SERPINB1: variants seen among roughly 807,000 people sequenced by gnomAD.
SERPINB1 encodes leukocyte elastase inhibitor.
In SERPINB1, 23 loss-of-function variants were observed where a neutral mutation model predicts 25.9. That is an observed-to-expected ratio of 0.89 (90% CI 0.64 to 1.26). SERPINB1 has a LOEUF of 1.26. Among genes scored for constraint, SERPINB1 ranks in the 50% most tolerant of loss-of-function variants. The pLI is 0.00. For synonymous variants in SERPINB1, 178 were observed against 178.7 expected, an observed-to-expected ratio of 1.00 and a Z score of 0.03; for missense variants, 399 against 463.6, an observed-to-expected ratio of 0.86 and a Z score of 1.28.
rs765014220 is a variant in SERPINB1 at position 2,833,736 on chromosome 6, C to A, written c.1012G>T (p.Ala338Ser). The change falls in exon 7 of 7, where the codon GCA becomes TCA. Residue 338 changes from alanine (A) to serine (S), a missense_variant. Physicochemically the swap from Ala to Ser is moderately conservative, Grantham distance 99. Transcript: ENST00000380739. ...AACATGCAGAAAGTTGCGATGCCTG[C>A]TGTGGCAGCTGCCGCCTCTGTTCCC... ...EEGTEAAAAT[A>S]GIATFCMLMP... 2 of 1,613,742 alleles carry A rather than the reference C, an allele frequency of 1.2e-6. No homozygotes were observed. The highest frequency in any genetic ancestry group is 1.7e-6 in the Non-Finnish European group (2 of 1,179,930).
At position 2,840,485 on chromosome 6, in the gene SERPINB1, G is replaced by A. The variant is rs775715437; in HGVS notation, c.102C>T (p.Ser34=). The stretch of plus-strand genomic sequence containing the variant: ...AAACCATGGCCATAGCAGATGAAAT[G>A]CTGAAGGGAGAGATGAAGATGTTTC... ...PAGNIFISPF[S]ISSAMAMVFL... is the part of the protein sequence containing the mutation. The change falls in exon 2 of 7, where the codon AGC becomes AGT. Residue 34 remains serine, a synonymous_variant. Transcript: ENST00000380739. 6.2e-7 allele frequency: 1 copy of A among 1,614,174 alleles called. No individual in the cohort carries two copies. Among genetic ancestry groups the A allele is most frequent in the East Asian group, 2.2e-5 (1 of 44,884 alleles).
intron 4 of SERPINB1, among the ~76,000 whole-genome samples, chr6:2,836,667 T>A (rs1400029673): frequency 6.1e-5 from 3 of 49,550 alleles, no homozygotes; most frequent in Non-Finnish European, 2.0e-4. Flanking sequence ...ATGCCTACTC[T>A]CACAAAAAAA....
At chr6:2,840,081 G>A (rs893349281) in intron 2 of SERPINB1, among the ~76,000 whole-genome samples, 10 of 152,084 alleles carry the variant, frequency 6.6e-5, no homozygotes, top group African/African-American at 1.9e-4. Context: ...AAAACTGGAA[G>A]ATGCTAGCTC....
intron 2 of SERPINB1, 46 bp from the exon 3 acceptor site, chr6:2,838,732 T>C (rs370357726): frequency 7.1e-7 from 1 of 1,411,940 alleles, no homozygotes; most frequent in East Asian, 2.5e-5. Flanking sequence ...ATTTTGAAAC[T>C]ATAAAGTGAT....
In SERPINB1 at chr6:2,838,026, T is replaced by G. The variant is rs747135455; in HGVS notation, c.307-27A>C. 2.8e-6 allele frequency: 4 copies of G among 1,438,164 alleles called. No homozygotes were observed. In the African/African-American group the frequency reaches 4.2e-5, roughly 15 times the overall value. The allele number at this position is 1,438,164 out of a possible 1,614,324, so 89.1% of individuals were successfully genotyped here. ...TATTAAAAAAAAGGAAAAGGAAATA[T>G]ATATATAACTCCTACTACATATAGA... is the stretch of plus-strand genomic sequence containing the variant. On this transcript the variant is annotated intron_variant, in intron 3 of 6. Coordinates refer to ENST00000380739, the MANE Select transcript of SERPINB1 (RefSeq NM_030666.4).
rs1026786370 is a variant in SERPINB1, at chr6:2,837,473, G to T, written c.424+409C>A. On this transcript the variant is annotated intron_variant, in intron 4 of 6. Transcript: ENST00000380739. The surrounding 1 kb of genome is among the most constrained non-coding windows in gnomAD (Gnocchi z 4.3). ...TTTTTGTATTTTTAGTAGAGACAGG[G>T]TTTCATCATGTTGGCCAAGCTGGTC... Among the ~76,000 whole-genome samples, 8 of 151,930 alleles carry T rather than the reference G, an allele frequency of 5.3e-5. No individual in the cohort carries two copies. Among genetic ancestry groups the T allele is most frequent in the Non-Finnish European group, 1.0e-4 (7 of 67,980 alleles).
At position 2,840,438 on chromosome 6, in the gene SERPINB1, G is replaced by C; in HGVS notation, c.149C>G (p.Thr50Arg). Residue 50 changes from threonine (T) to arginine (R), a missense_variant, in exon 2 of 7, where the codon ACG (threonine) becomes AGG (arginine). Physicochemically the swap from Thr to Arg is moderately conservative, Grantham distance 71. Transcript: ENST00000380739. Reference sequence around the variant, plus strand: ...GCTGACCTTGGACAGCTGTGCTGCCGTGTTACCTCTGGTCCCCAGAAAAAC... The same window carrying C: ...GCTGACCTTGGACAGCTGTGCTGCCCTGTTACCTCTGGTCCCCAGAAAAAC... ...AMVFLGTRGN[T>R]AAQLSKTFHF... 1.2e-6 allele frequency: 2 copies of C among 1,613,982 alleles called. No homozygotes were observed. Among genetic ancestry groups the C allele is most frequent in the Non-Finnish European group, 1.7e-6 (2 of 1,179,986 alleles).
rs1041181705 is a variant in SERPINB1, at chr6:2,832,442, T to C, written c.*1166A>G. The C allele has an allele frequency of 5.9e-5, 9 of 152,070 alleles. No individual in the cohort carries two copies. The highest frequency in any genetic ancestry group is 1.2e-4 in the Non-Finnish European group (8 of 68,056). The allele number at this position is 152,070 out of a possible 1,614,324, so 9.4% of individuals were successfully genotyped here. A position where few individuals can be genotyped will look rare whatever the true frequency, so the allele number is the denominator to read the frequency against. On this transcript the variant is annotated 3_prime_UTR_variant, in exon 7 of 7. Transcript: ENST00000380739. Reference sequence around the variant, plus strand: ...ATTCAAAGAACTACATTTGACAAAGTTTTATATCAGTCCAAGAGCCCCCAC... The same window carrying C: ...ATTCAAAGAACTACATTTGACAAAGCTTTATATCAGTCCAAGAGCCCCCAC...
chr6:2,836,042 T>A lies in SERPINB1; in HGVS notation c.568-19A>T, dbSNP rs1285955314. ...TGTCTTTCTGAACAGTTTTAAAAAATCACTGAAATTATTCTCTGCATTCTT... is the reference window on the plus strand; with the variant it reads ...TGTCTTTCTGAACAGTTTTAAAAAAACACTGAAATTATTCTCTGCATTCTT... On this transcript the variant is annotated intron_variant, in intron 5 of 6. Transcript: ENST00000380739. The A allele has an allele frequency of 3.1e-6, 5 of 1,613,900 alleles. No individual in the cohort carries two copies. The South Asian group carries it at 5.5e-5, about 18-fold the overall frequency.
At chr6:2,839,822 C>T (rs543895206) in intron 2 of SERPINB1, among the ~76,000 whole-genome samples, 63 of 105,142 alleles carry the variant, frequency 6.0e-4, no homozygotes, top group African/African-American at 1.7e-3. Flanking sequence ...GGCTGGGTCC[C>T]GCCCCTGAAG....
At position 2,840,434 on chromosome 6, in the gene SERPINB1, T is replaced by C; in HGVS notation, c.153A>G (p.Ala51=). 1 of 1,614,204 alleles carries C rather than the reference T, an allele frequency of 6.2e-7. No homozygotes were observed. The highest frequency in any genetic ancestry group is 8.5e-7 in the Non-Finnish European group (1 of 1,180,036). The change falls in exon 2 of 7, where the codon GCA becomes GCG. Residue 51 remains alanine (A), a synonymous_variant. Coordinates refer to ENST00000380739, the MANE Select transcript of SERPINB1 (RefSeq NM_030666.4). The part of the protein sequence containing the change: ...MVFLGTRGNT[A]AQLSKTFHFN... ...TTCTGCTGACCTTGGACAGCTGTGCTGCCGTGTTACCTCTGGTCCCCAGAA... is the reference window on the plus strand; with the variant it reads ...TTCTGCTGACCTTGGACAGCTGTGCCGCCGTGTTACCTCTGGTCCCCAGAA...
chr6:2,833,505 A>G lies in SERPINB1; in HGVS notation c.*103T>C, dbSNP rs15286. The G allele has an allele frequency of 0.72, 799,083 of 1,104,820 alleles. 289,850 individuals carry two copies. Among genetic ancestry groups the G allele is most frequent in the Middle Eastern group, 0.81 (2,791 of 3,448 alleles). The allele number at this position is 1,104,820 out of a possible 1,614,324, so 68.4% of individuals were successfully genotyped here. A position where few individuals can be genotyped will look rare whatever the true frequency, so the allele number is the denominator to read the frequency against. Reference sequence around the variant, plus strand: ...AAAGAAAATGAAAGACTTGTTTCTGAACAGTGGTTTTATTGGTAAAGATAT... The same window carrying G: ...AAAGAAAATGAAAGACTTGTTTCTGGACAGTGGTTTTATTGGTAAAGATAT... On this transcript the variant is annotated 3_prime_UTR_variant, in exon 7 of 7. Transcript: ENST00000380739.
chr6:2,839,345 A>G (rs1766582507), intron 2 of SERPINB1: 4 of 985,234 alleles, frequency 4.1e-6, no homozygotes, highest in Non-Finnish European at 4.8e-6. Context: ...CGAGATATGG[A>G]ATGTTTGCAC....
At chr6:2,840,368 A>G (rs745495883) in intron 2 of SERPINB1, 51 bp downstream of exon 2, 1 of 1,604,576 alleles carries the variant, frequency 6.2e-7, no homozygotes, top group Admixed American at 1.7e-5. Flanking sequence ...CAGACTGTCC[A>G]TTCGTAGGGA....
rs1378861484 is a variant in SERPINB1 at position 2,838,577 on chromosome 6, T to C, written c.278A>G (p.Tyr93Cys). The change falls in exon 3 of 7, where the codon TAT becomes TGT. Residue 93 changes from tyrosine to cysteine, a missense_variant. By Grantham distance (194) the Tyr-to-Cys change is radical. Coordinates refer to ENST00000380739, the MANE Select transcript of SERPINB1 (RefSeq NM_030666.4). ...SYILKLANRLYGEKTYNFLPE... is the reference protein window; with the variant it reads ...SYILKLANRLCGEKTYNFLPE... ...AAGGAAATTGTAAGTTTTCTCTCCA[T>C]ATAATCTATTAGCAAGTTTCAGAAT... 3.1e-6 allele frequency: 5 copies of C among 1,605,932 alleles called. No individual in the cohort carries two copies. Among genetic ancestry groups the C allele is most frequent in the African/African-American group, 2.7e-5 (2 of 74,550 alleles).
Position 2,840,517 on chromosome 6 carries a change from G to C in SERPINB1, c.70C>G (p.Pro24Ala), listed in dbSNP as rs779715333. 2.5e-6 allele frequency: 4 copies of C among 1,614,184 alleles called. No homozygotes were observed. Among genetic ancestry groups the C allele is most frequent in the Admixed American group, 1.7e-5 (1 of 60,022 alleles). Residue 24 changes from proline (P) to alanine (A), a missense_variant, in exon 2 of 7, where the codon CCG becomes GCG. Transcript: ENST00000380739. ...GGAGAGATGAAGATGTTTCCAGCCG[G>C]ATTGTTCTCACTCAACGCCAGGAAC... ...DLFLALSENN[P>A]AGNIFISPFS...
Position 2,837,903 on chromosome 6 carries a change from A to AGTG in SERPINB1, c.402_403insCAC (p.Gln134_Trp135insHis). ...TCACCTTCTGTCTGTCCTTTGACCCACTGGTTTATGGTCTTCCTTGCATCT... is the reference window on the plus strand; with the variant it reads ...TCACCTTCTGTCTGTCCTTTGACCCAGTGCTGGTTTATGGTCTTCCTTGCATCT... On this transcript the variant is annotated inframe_insertion, in exon 4 of 7. Coordinates refer to ENST00000380739, the MANE Select transcript of SERPINB1 (RefSeq NM_030666.4). The surrounding 1 kb of genome is among the most constrained non-coding windows in gnomAD (Gnocchi z 4.3). The AGTG allele has an allele frequency of 1.9e-6, 3 of 1,613,680 alleles. No homozygotes were observed.
chr6:2,841,708 G>C lies in SERPINB1; in HGVS notation c.-9+104C>G, dbSNP rs1249216394. ...GCGCAGGGAGCTGCGGGTCTGAGGG[G>C]CCTGAGCCTGGGGGGTGGGGGGTGC... On this transcript the variant is annotated intron_variant, in intron 1 of 6. Coordinates refer to ENST00000380739, the MANE Select transcript of SERPINB1 (RefSeq NM_030666.4). This position sits in a 1 kb window ranked among gnomAD's most constrained non-coding sequence, Gnocchi z 4.5. The C allele has an allele frequency of 2.0e-5, 3 of 150,952 alleles. No homozygotes were observed. Among genetic ancestry groups the C allele is most frequent in the Non-Finnish European group, 4.4e-5 (3 of 67,934 alleles). The allele number at this position is 150,952 out of a possible 1,614,324, so 9.4% of individuals were successfully genotyped here.
At chr6:2,839,601 C>CTGCA (rs1179447401) in intron 2 of SERPINB1, 1 of 536,952 alleles carries the variant, frequency 1.9e-6, no homozygotes, top group Non-Finnish European at 2.4e-6. Context: ...GAATCCCAGG[C>CTGCA]TGCACCTTGC....
Sources: allele counts gnomAD v4.1 joint callset (sites outside exome capture counted in the v4.1 genomes callset), GRCh38; gene constraint gnomAD v4.1.1; non-coding constraint Gnocchi (gnomAD v3.1); transcripts MANE v1.5; gene names NCBI Gene and HGNC (gene_info 2026-07-23, HGNC 2026-07-21).